Variants in PKIB observed in about 807,000 individuals in gnomAD.
PKIB encodes PKI-beta.
A neutral mutation model predicts 4.5 loss-of-function variants in PKIB; 2 were observed. The ratio of observed to expected loss-of-function variants is 0.44; its 90% CI spans 0.18 to 1.39. PKIB has a LOEUF of 1.39. PKIB is among the 40% of genes most tolerant of loss of function. The pLI, the probability that PKIB is intolerant of heterozygous loss-of-function variation, is 0.27. For synonymous variants in PKIB, 38 were observed against 36.0 expected (o/e 1.06, Z -0.20); for missense variants, 94 against 92.6 (o/e 1.02, Z -0.06).
Position 122,705,275 on chromosome 6 carries a change from A to G in PKIB, c.-8-12512A>G, listed in dbSNP as rs149449420. 2.1e-3 allele frequency among the ~76,000 whole-genome samples: 326 copies of G among 152,266 alleles called. 1 individual carries two copies. Among genetic ancestry groups the G allele is most frequent in the Middle Eastern group, 0.01 (3 of 294 alleles). ...AGCCTTTTTCAGAAATCAATGGACA[A>G]TAAGAGTGTATTTGTCTATTTCTAG... On this transcript the variant is annotated intron_variant, in intron 3 of 4. Transcript: ENST00000368452.
intron 1 of PKIB, among the ~76,000 whole-genome samples, chr6:122,611,617 A>ATAGATT (rs1253502939): frequency 1.3e-5 from 2 of 152,232 alleles, no homozygotes; most frequent in Non-Finnish European, 1.5e-5. Flanking sequence ...TCGTGTACAG[A>ATAGATT]TAGATTTCAA....
At chr6:122,481,258 G>C (rs1415509420) in intron 2 of PKIB, 1 of 152,108 alleles carries the variant, frequency 6.6e-6, no homozygotes, top group Non-Finnish European at 1.5e-5. Context: ...AGAAATATCA[G>C]ACAAACCCAA....
At chr6:122,683,658 A>G (rs1777986821) in intron 3 of PKIB, among the ~76,000 whole-genome samples, 1 of 152,156 alleles carries the variant, frequency 6.6e-6, no homozygotes, top group Non-Finnish European at 1.5e-5. Flanking sequence ...AGTCTCCTCT[A>G]CCCCAACAAT....
intron 2 of PKIB, among the ~76,000 whole-genome samples, chr6:122,670,679 T>C (rs1169218764): frequency 3.9e-5 from 6 of 152,360 alleles, no homozygotes; most frequent in Non-Finnish European, 8.8e-5. Context: ...TGTTGAGTAC[T>C]TACTATGTGT....
At chr6:122,497,082 CAAAG>C (rs903395897) in intron 2 of PKIB, among the ~76,000 whole-genome samples, 4 of 152,112 alleles carry the variant, frequency 2.6e-5, no homozygotes, top group African/African-American at 9.7e-5. Context: ...TCAGCATTCT[CAAAG>C]AAAAGAAATT....
At chr6:122,492,143 G>T (rs753489542) in intron 2 of PKIB, among the ~76,000 whole-genome samples, 1 of 152,138 alleles carries the variant, frequency 6.6e-6, no homozygotes, top group Non-Finnish European at 1.5e-5. Context: ...TGAGGGAGAG[G>T]TATGAGAACA....
intron 2 of PKIB, among the ~76,000 whole-genome samples, chr6:122,536,790 AAG>A (rs68142096): frequency 0.033 from 5,015 of 151,934 alleles, 113 homozygotes; most frequent in South Asian, 0.05. Flanking sequence ...TAAAAAATAA[AAG>A]AGAGAAAAAC....
At chr6:122,565,627 T>C (rs1773167326) in intron 2 of PKIB, among the ~76,000 whole-genome samples, 1 of 152,320 alleles carries the variant, frequency 6.6e-6, no homozygotes, top group South Asian at 2.1e-4. Flanking sequence ...ACTGTCTACT[T>C]TTCTACTGTA....
chr6:122,683,030 C>T (rs1385471689), intron 3 of PKIB, among the ~76,000 whole-genome samples: 1 of 152,170 alleles, frequency 6.6e-6, no homozygotes, highest in Admixed American at 6.5e-5. Flanking sequence ...GGTGTCTGCT[C>T]ATCTCCCACA....
chr6:122,706,035 C>T (rs1477322744), intron 3 of PKIB, among the ~76,000 whole-genome samples: 1 of 152,132 alleles, frequency 6.6e-6, no homozygotes, highest in Non-Finnish European at 1.5e-5. Context: ...CACTCCATGG[C>T]AGCGAAATGT....
At chr6:122,546,919 T>C (rs1330754078) in intron 2 of PKIB, among the ~76,000 whole-genome samples, 1 of 152,010 alleles carries the variant, frequency 6.6e-6, no homozygotes, top group African/African-American at 2.4e-5. Context: ...ACGTAATATA[T>C]AGTAGAAAGT....
intron 3 of PKIB, among the ~76,000 whole-genome samples, chr6:122,591,254 A>G (rs1774013935): frequency 6.6e-6 from 1 of 151,790 alleles, no homozygotes; most frequent in African/African-American, 2.4e-5. Flanking sequence ...CAGATTAGAC[A>G]AACGTTTTCT....
At chr6:122,693,697 TG>T (rs1283064122) in intron 3 of PKIB, among the ~76,000 whole-genome samples, 1 of 152,246 alleles carries the variant, frequency 6.6e-6, no homozygotes, top group African/African-American at 2.4e-5. Flanking sequence ...TAAGTTCACT[TG>T]GAAAGCACTC....
chr6:122,583,105 A>G (rs968899975), intron 2 of PKIB, among the ~76,000 whole-genome samples: 1 of 152,072 alleles, frequency 6.6e-6, no homozygotes, highest in African/African-American at 2.4e-5. Context: ...TATCTTAAAT[A>G]GGTTGATTAT....
chr6:122,473,011 C>T (rs1024831192), intron 1 of PKIB, among the ~76,000 whole-genome samples: 1 of 151,802 alleles, frequency 6.6e-6, no homozygotes, highest in African/African-American at 2.4e-5. Flanking sequence ...ACTCGGGAGG[C>T]GAGGCAGGAG....
At chr6:122,486,948 TCTAACTA>T (rs1044707949) in intron 2 of PKIB, among the ~76,000 whole-genome samples, 81 of 100,552 alleles carry the variant, frequency 8.1e-4, no homozygotes, top group Middle Eastern at 5.7e-3. Flanking sequence ...TATCTATCTA[TCTAACTA>T]CTATTTTCTG....
At chr6:122,691,648 C>G (rs528930892) in intron 3 of PKIB, among the ~76,000 whole-genome samples, 1 of 152,130 alleles carries the variant, frequency 6.6e-6, no homozygotes, top group East Asian at 1.9e-4. Context: ...TTTGAATTCT[C>G]TGTCTGAAAG....
intron 2 of PKIB, among the ~76,000 whole-genome samples, chr6:122,500,269 C>T (rs1222862116): frequency 6.6e-6 from 1 of 151,896 alleles, no homozygotes; most frequent in African/African-American, 2.4e-5. Context: ...GTTTGAATTT[C>T]TAAGTGGTAG....
intron 3 of PKIB, among the ~76,000 whole-genome samples, chr6:122,680,426 TC>T (rs1315912873): frequency 1.3e-5 from 2 of 152,236 alleles, no homozygotes; most frequent in Non-Finnish European, 2.9e-5. Context: ...ATGGAGGGGT[TC>T]TTCAGACCTA....
Sources: gnomAD v4.1 joint callset for allele counts (sites outside exome capture counted in the v4.1 genomes callset) on GRCh38, gnomAD v4.1.1 for gene constraint, MANE v1.5 for transcripts, NCBI Gene and HGNC (gene_info 2026-07-23, HGNC 2026-07-21) for gene names.